Variants in XKR6 observed in about 807,000 individuals in gnomAD.
The protein encoded by XKR6 is XK related 6, also known as XK-related protein 6.
A neutral mutation model predicts 56.7 loss-of-function variants in XKR6; 22 were observed. That is an observed-to-expected ratio of 0.39 (90% CI 0.28 to 0.55). The LOEUF is 0.55. Ranked by LOEUF, XKR6 falls within the 20% of genes least tolerant of loss-of-function variation. The pLI, the probability that XKR6 is intolerant of heterozygous loss-of-function variation, is 0.66. For synonymous variants in XKR6, 524 were observed against 387.8 expected, an observed-to-expected ratio of 1.35 and a Z score of -4.13; for missense variants, 852 against 889.0, an observed-to-expected ratio of 0.96 and a Z score of 0.53.
chr8:11,162,972 C>T (rs1052822909), intron 1 of XKR6, among the ~76,000 whole-genome samples: 2 of 152,060 alleles, frequency 1.3e-5, no homozygotes, highest in African/African-American at 4.8e-5. Flanking sequence ...CATGAGCCTG[C>T]AAAAATGTCA....
intron 1 of XKR6, among the ~76,000 whole-genome samples, chr8:11,134,483 C>T (rs1403458339): frequency 2.0e-5 from 3 of 152,174 alleles, no homozygotes; most frequent in East Asian, 3.8e-4. Flanking sequence ...CAATTCTATG[C>T]ACTCATTTCT....
chr8:11,128,675 A>G (rs751488424), intron 1 of XKR6: 168 of 375,914 alleles, frequency 4.5e-4, no homozygotes, highest in Middle Eastern at 1.1e-3. Context: ...ACAAGATGAA[A>G]TTACCCTGAT....
chr8:11,095,286 A>G (rs746104305), intron 1 of XKR6, among the ~76,000 whole-genome samples: 2 of 152,230 alleles, frequency 1.3e-5, no homozygotes, highest in African/African-American at 4.8e-5. Context: ...TATATATCAA[A>G]CAGCAATGAA....
chr8:11,100,608 A>G (rs956349931), intron 1 of XKR6, among the ~76,000 whole-genome samples: 5 of 152,168 alleles, frequency 3.3e-5, no homozygotes, highest in African/African-American at 7.2e-5. Flanking sequence ...TTTCCCCTAC[A>G]ACTAAGACAG....
intron 1 of XKR6, among the ~76,000 whole-genome samples, chr8:11,195,852 C>T (rs559335971): frequency 6.6e-6 from 1 of 151,672 alleles, no homozygotes; most frequent in Non-Finnish European, 1.5e-5. Context: ...TGGGGTTTCA[C>T]CATGTTAGCC....
intron 1 of XKR6, among the ~76,000 whole-genome samples, chr8:10,954,886 T>TTTTTTTTTTTTTC (rs1801834290): frequency 6.8e-6 from 1 of 147,424 alleles, no homozygotes; most frequent in African/African-American, 2.5e-5. Flanking sequence ...TTTTTTTTTT[T>TTTTTTTTTTTTTC]AGACAGAGTT....
chr8:11,190,634 A>T (rs1008776880), intron 1 of XKR6, among the ~76,000 whole-genome samples: 1 of 152,234 alleles, frequency 6.6e-6, no homozygotes, highest in Non-Finnish European at 1.5e-5. Flanking sequence ...AACACATTAG[A>T]CTAGACATCA....
intron 2 of XKR6, among the ~76,000 whole-genome samples, chr8:10,911,552 G>T (rs998495365): frequency 9.5e-5 from 14 of 146,768 alleles, no homozygotes; most frequent in East Asian, 6.0e-4. Context: ...TATATATATA[G>T]AGAGAATATC....
chr8:11,086,443 C>T (rs1240869903), intron 1 of XKR6, among the ~76,000 whole-genome samples: 8 of 152,252 alleles, frequency 5.3e-5, no homozygotes, highest in East Asian at 1.9e-4. Context: ...GCTTTCAACA[C>T]GGAGACGCTC....
In XKR6 at chr8:11,049,452, C is replaced by A. The variant is rs186540249; in HGVS notation, c.765-124622G>T. On this transcript the variant is annotated intron_variant, in intron 1 of 2. Transcript: ENST00000416569. The stretch of plus-strand genomic sequence containing the variant: ...CCGGGGCTGGCTGCTCCCTGCGCCT[C>A]TCTGCAGGGGGCTGCGGGAATTAGC... 3.3e-5 allele frequency among the ~76,000 whole-genome samples: 5 copies of A among 152,278 alleles called. No homozygotes were observed. In the East Asian group the frequency reaches 7.7e-4, roughly 24 times the overall value.
intron 1 of XKR6, among the ~76,000 whole-genome samples, chr8:11,171,516 T>G (rs1802366985): frequency 6.6e-6 from 1 of 152,188 alleles, no homozygotes; most frequent in South Asian, 2.1e-4. Flanking sequence ...TTCATTCCCT[T>G]GGGTATAGGG....
chr8:11,185,185 C>G (rs1803206662), intron 1 of XKR6, among the ~76,000 whole-genome samples: 1 of 152,152 alleles, frequency 6.6e-6, no homozygotes, highest in African/African-American at 2.4e-5. Context: ...CCCTGAGCTC[C>G]TAGGATAGGC....
intron 1 of XKR6, among the ~76,000 whole-genome samples, chr8:11,165,090 CTTTTT>C (rs35783491): frequency 6.1e-5 from 5 of 82,472 alleles, no homozygotes; most frequent in Admixed American, 1.4e-4. Flanking sequence ...AGGCTATCAC[CTTTTT>C]TTTTTTTTTT....
At position 11,074,822 on chromosome 8, in the gene XKR6, A is replaced by T. The variant is rs182080023; in HGVS notation, c.764+125754T>A. ...CAAACTGTCGCTGAATGAAGTTCTCATGCTGGAGCATCTGTGGGCAGCTGC... is the reference window on the plus strand; with the variant it reads ...CAAACTGTCGCTGAATGAAGTTCTCTTGCTGGAGCATCTGTGGGCAGCTGC... On this transcript the variant is annotated intron_variant, in intron 1 of 2. Coordinates refer to ENST00000416569, the MANE Select transcript of XKR6 (RefSeq NM_173683.4). 3.7e-3 allele frequency among the ~76,000 whole-genome samples: 556 copies of T among 152,314 alleles called. 5 individuals are homozygous for T. The highest frequency in any genetic ancestry group is 4.0e-3 in the Non-Finnish European group (274 of 68,006).
intron 1 of XKR6, among the ~76,000 whole-genome samples, chr8:11,028,631 C>T (rs1477178723): frequency 6.6e-6 from 1 of 152,204 alleles, no homozygotes; most frequent in Non-Finnish European, 1.5e-5. Flanking sequence ...TCTGGCCAGA[C>T]CCCAGCCATC....
At chr8:10,916,192 A>G (rs1288911561) in intron 2 of XKR6, among the ~76,000 whole-genome samples, 1 of 152,208 alleles carries the variant, frequency 6.6e-6, no homozygotes, top group Admixed American at 6.5e-5. Context: ...TCATTATGCA[A>G]TGTCGTTTGA....
At chr8:10,977,474 GA>G (rs1301789533) in intron 1 of XKR6, among the ~76,000 whole-genome samples, 2 of 151,762 alleles carry the variant, frequency 1.3e-5, no homozygotes, top group Non-Finnish European at 2.9e-5. Context: ...CCCGCCACTG[GA>G]GGAATGTGGG....
At chr8:11,011,595 T>C (rs149826492) in intron 1 of XKR6, among the ~76,000 whole-genome samples, 106 of 152,272 alleles carry the variant, frequency 7.0e-4, no homozygotes, top group Non-Finnish European at 1.1e-3. Flanking sequence ...GAACTTAATC[T>C]AACACGAAAG....
intron 1 of XKR6, among the ~76,000 whole-genome samples, chr8:11,009,069 G>T (rs947692164): frequency 7.0e-6 from 1 of 143,188 alleles, no homozygotes; most frequent in Non-Finnish European, 1.5e-5. Flanking sequence ...ACCTCTCCTG[G>T]GTAGTCAGCA....
Sources: allele counts gnomAD v4.1 joint callset (sites outside exome capture counted in the v4.1 genomes callset), GRCh38; gene constraint gnomAD v4.1.1; transcripts MANE v1.5; gene names NCBI Gene and HGNC (gene_info 2026-07-23, HGNC 2026-07-21).